Variants in CSMD1 observed in about 807,000 individuals in gnomAD.
CSMD1 encodes the protein CUB and sushi domain-containing protein 1.
A neutral mutation model predicts 417.5 loss-of-function variants in CSMD1; 213 were observed. The observed-to-expected ratio is 0.51, with a 90% CI of 0.46 to 0.57. The LOEUF (loss-of-function observed/expected upper bound fraction) is 0.57, where lower values mean the gene tolerates loss of function less well. CSMD1 is among the 20% of genes least tolerant of loss of function. CSMD1 has a pLI of 0.00. For synonymous variants in CSMD1, 2,862 were observed against 1,736.8 expected, an observed-to-expected ratio of 1.65 and a Z score of -16.11; for missense variants, 6,923 against 4,529.7, an observed-to-expected ratio of 1.53 and a Z score of -15.17.
chr8:4,256,277 G>A (rs76125812), intron 3 of CSMD1, among the ~76,000 whole-genome samples: 5 of 152,120 alleles, frequency 3.3e-5, no homozygotes, highest in Non-Finnish European at 5.9e-5. Flanking sequence ...GAGGTTTCAC[G>A]ATGCTTATGA....
At chr8:4,234,745 C>T (rs1801944288) in intron 3 of CSMD1, among the ~76,000 whole-genome samples, 1 of 152,128 alleles carries the variant, frequency 6.6e-6, no homozygotes, top group African/African-American at 2.4e-5. Flanking sequence ...AAACTGGAGT[C>T]GTGGCTGCTC....
chr8:3,660,880 T>C (rs1052436727), intron 7 of CSMD1, among the ~76,000 whole-genome samples: 2 of 152,184 alleles, frequency 1.3e-5, no homozygotes, highest in Non-Finnish European at 2.9e-5. Flanking sequence ...TCAGACTCTA[T>C]GACAGATTTT....
chr8:4,829,817 G>A lies in CSMD1; in HGVS notation c.85+164515C>T, dbSNP rs1017914487. 4.6e-5 allele frequency among the ~76,000 whole-genome samples: 7 copies of A among 151,744 alleles called. No individual in the cohort carries two copies. In the South Asian group the frequency reaches 1.0e-3, roughly 23 times the overall value. On this transcript the variant is annotated intron_variant, in intron 1 of 69. Coordinates refer to ENST00000635120, the MANE Select transcript of CSMD1 (RefSeq NM_033225.6). ...TAGTTAATGGTCTAAAGAACAGCAA[G>A]AAGCAGTCAGTGATCGCTTTACCTT...
intron 1 of CSMD1, among the ~76,000 whole-genome samples, chr8:4,694,200 G>A (rs774280162): frequency 7.2e-5 from 11 of 152,124 alleles, no homozygotes; most frequent in Non-Finnish European, 1.2e-4. Flanking sequence ...AAATAAATGC[G>A]TATCTGATTG....
At chr8:4,725,912 G>A (rs868818334) in intron 1 of CSMD1, among the ~76,000 whole-genome samples, 2 of 152,052 alleles carry the variant, frequency 1.3e-5, no homozygotes, top group Non-Finnish European at 2.9e-5. Context: ...ATTCCAGGGG[G>A]GGTTACTTTG....
chr8:3,181,420 C>A (rs71521811), intron 36 of CSMD1, among the ~76,000 whole-genome samples: 8 of 152,174 alleles, frequency 5.3e-5, no homozygotes, highest in Non-Finnish European at 1.2e-4. Flanking sequence ...TCTGCTCTGA[C>A]CTGCTCAAGT....
At chr8:4,962,969 G>C (rs1299740273) in intron 1 of CSMD1, among the ~76,000 whole-genome samples, 1 of 152,126 alleles carries the variant, frequency 6.6e-6, no homozygotes, top group East Asian at 1.9e-4. Flanking sequence ...GCTGGGAAAA[G>C]GATCGAAGAA....
At chr8:3,911,789 A>G (rs1366142310) in intron 5 of CSMD1, among the ~76,000 whole-genome samples, 1 of 152,182 alleles carries the variant, frequency 6.6e-6, no homozygotes, top group Non-Finnish European at 1.5e-5. Flanking sequence ...TTCTCAATAG[A>G]CTGAAACTTG....
Position 3,623,738 on chromosome 8 carries a change from G to C in CSMD1, c.1010-6941C>G, listed in dbSNP as rs147836917. Among the ~76,000 whole-genome samples the C allele has an allele frequency of 7.8e-3, 1,182 of 152,192 alleles. 13 individuals carry two copies. Among genetic ancestry groups the C allele is most frequent in the African/African-American group, 0.027 (1,139 of 41,528 alleles). Reference sequence around the variant, plus strand: ...TGCCTGTAATCCTAGCACTTTGGGAGGCCAAGGCAGGCAGATCACCTGAGG... The same window carrying C: ...TGCCTGTAATCCTAGCACTTTGGGACGCCAAGGCAGGCAGATCACCTGAGG... On this transcript the variant is annotated intron_variant, in intron 7 of 69. Transcript: ENST00000635120.
chr8:4,243,999 C>T (rs1722899227), intron 3 of CSMD1, among the ~76,000 whole-genome samples: 1 of 152,146 alleles, frequency 6.6e-6, no homozygotes, highest in African/African-American at 2.4e-5. Context: ...TCAGTCCCTG[C>T]CATGGAGTGG....
chr8:3,796,677 T>C (rs549443631), intron 5 of CSMD1, among the ~76,000 whole-genome samples: 141 of 150,512 alleles, frequency 9.4e-4, no homozygotes, highest in Non-Finnish European at 1.8e-3. Context: ...TCTATATGTA[T>C]ACATTGGAAG....
At chr8:4,771,834 T>C (rs1167518861) in intron 1 of CSMD1, among the ~76,000 whole-genome samples, 1 of 152,160 alleles carries the variant, frequency 6.6e-6, no homozygotes, top group Non-Finnish European at 1.5e-5. Flanking sequence ...ACGATACCTT[T>C]TCTGTTGTGG....
intron 3 of CSMD1, among the ~76,000 whole-genome samples, chr8:4,102,116 A>G (rs1470581784): frequency 6.6e-6 from 1 of 152,228 alleles, no homozygotes; most frequent in African/African-American, 2.4e-5. Context: ...GAAACAAATA[A>G]GAAATATATA....
chr8:4,963,725 T>G (rs772250304), intron 1 of CSMD1, among the ~76,000 whole-genome samples: 4 of 152,180 alleles, frequency 2.6e-5, no homozygotes, highest in East Asian at 1.9e-4. Context: ...CATACAATTT[T>G]AACACTCAAC....
chr8:3,843,648 T>G (rs1000658147), intron 5 of CSMD1, among the ~76,000 whole-genome samples: 1 of 152,152 alleles, frequency 6.6e-6, no homozygotes, highest in Non-Finnish European at 1.5e-5. Flanking sequence ...GGAATGCATT[T>G]TCAAAGAGAC....
intron 49 of CSMD1, among the ~76,000 whole-genome samples, chr8:3,083,280 C>A (rs1287905329): frequency 6.6e-6 from 1 of 151,710 alleles, no homozygotes; most frequent in Non-Finnish European, 1.5e-5. Context: ...TATATCTCTG[C>A]TTGTAAATTA....
Position 2,998,101 on chromosome 8 carries a change from T to C in CSMD1, c.8287A>G (p.Thr2763Ala), listed in dbSNP as rs1286821686. 2 of 1,613,844 alleles carry C rather than the reference T, an allele frequency of 1.2e-6. No individual in the cohort carries two copies. The highest frequency in any genetic ancestry group is 2.2e-5 in the South Asian group (2 of 91,082). ...TGCAGCAAATAGCCCGTGTTGCAGG[T>C]GAAATTCACGACATCATTCAGGTTG... ...EFNLNDVVNF[T>A]CNTGYLLQGV... Residue 2763 changes from threonine to alanine, a missense_variant, in exon 54 of 70, where the codon ACC becomes GCC. Physicochemically the swap from Thr to Ala is moderately conservative, Grantham distance 58 (BLOSUM62 0). Coordinates refer to ENST00000635120, the MANE Select transcript of CSMD1 (RefSeq NM_033225.6).
At chr8:3,506,548 T>C (rs536365241) in intron 10 of CSMD1, among the ~76,000 whole-genome samples, 75 of 152,230 alleles carry the variant, frequency 4.9e-4, no homozygotes, top group Non-Finnish European at 8.7e-4. Context: ...TTACGTTTCA[T>C]TCATTCCCTC....
chr8:4,336,384 G>A (rs983592648), intron 3 of CSMD1, among the ~76,000 whole-genome samples: 3 of 152,134 alleles, frequency 2.0e-5, no homozygotes, highest in Non-Finnish European at 2.9e-5. Flanking sequence ...TGCCTGACTA[G>A]GCGTGACCCA....
Sources: allele counts gnomAD v4.1 joint callset (sites outside exome capture counted in the v4.1 genomes callset), GRCh38; gene constraint gnomAD v4.1.1; transcripts MANE v1.5; gene names NCBI Gene and HGNC (gene_info 2026-07-23, HGNC 2026-07-21).